Variants in FBXL13 observed in about 807,000 individuals in gnomAD.
The protein encoded by FBXL13 is F-box and leucine rich repeat protein 13.
A neutral mutation model predicts 83.6 loss-of-function variants in FBXL13; 67 were observed. That is an observed-to-expected ratio of 0.80 (90% CI 0.66 to 0.98). The LOEUF (loss-of-function observed/expected upper bound fraction) is 0.98, where lower values mean the gene tolerates loss of function less well. Ranked by LOEUF, FBXL13 falls within the 50% of genes least tolerant of loss-of-function variation. FBXL13 has a pLI of 0.00. For missense variants in FBXL13, 822 were observed against 866.5 expected (o/e 0.95, Z 0.64); for synonymous variants, 272 against 299.5 (o/e 0.91, Z 0.95).
chr7:102,879,842 G>A (rs2129458387), intron 14 of FBXL13, among the ~76,000 whole-genome samples: 1 of 152,274 alleles, frequency 6.6e-6, no homozygotes, highest in South Asian at 2.1e-4. Context: ...GAGTAGCTAG[G>A]ACTACAGGCG....
Position 102,873,286 on chromosome 7 carries a change from A to G in FBXL13, c.1635+4181T>C, listed in dbSNP as rs140168883. On this transcript the variant is annotated intron_variant, in intron 16 of 19. Transcript: ENST00000313221. ...AAACATGTTCGTTTTCCCAACCTGC[A>G]GCAAACCTGCTCCCTGACTGTGTAA... is the stretch of plus-strand genomic sequence containing the variant. Among the ~76,000 whole-genome samples, 383 of 152,288 alleles carry G rather than the reference A, an allele frequency of 2.5e-3. 2 individuals carry two copies. The highest frequency in any genetic ancestry group is 8.7e-3 in the African/African-American group (361 of 41,568).
At chr7:102,859,614 A>C (rs1806520895) in intron 16 of FBXL13, among the ~76,000 whole-genome samples, 1 of 151,906 alleles carries the variant, frequency 6.6e-6, no homozygotes, top group Non-Finnish European at 1.5e-5. Context: ...TGGAGTGGGA[A>C]GACAGGCCAA....
At chr7:102,861,926 G>A (rs1486958736) in intron 16 of FBXL13, among the ~76,000 whole-genome samples, 6 of 149,848 alleles carry the variant, frequency 4.0e-5, no homozygotes, top group Non-Finnish European at 7.4e-5. Flanking sequence ...AAGCTGTAGT[G>A]AGCCAAGATC....
chr7:102,845,143 C>T (rs909828707), intron 17 of FBXL13, among the ~76,000 whole-genome samples: 1 of 152,112 alleles, frequency 6.6e-6, no homozygotes, highest in African/African-American at 2.4e-5. Context: ...TCTCCAGCCC[C>T]TCTCCCCTTC....
At chr7:102,858,556 ATG>A (rs1436047217) in intron 16 of FBXL13, among the ~76,000 whole-genome samples, 2 of 152,254 alleles carry the variant, frequency 1.3e-5, no homozygotes, top group African/African-American at 4.8e-5. Flanking sequence ...TACAATTATT[ATG>A]TGTCAACTAA....
chr7:103,053,225 A>G (rs1190264299), intron 2 of FBXL13, among the ~76,000 whole-genome samples: 1 of 151,182 alleles, frequency 6.6e-6, no homozygotes, highest in African/African-American at 2.4e-5. Context: ...CAATCTTGGC[A>G]CATTGCAACC....
intron 17 of FBXL13, among the ~76,000 whole-genome samples, chr7:102,852,911 C>T (rs796839978): frequency 4.6e-5 from 7 of 152,256 alleles, no homozygotes; most frequent in South Asian, 2.1e-4. Context: ...AAGCACAATT[C>T]GCAATTGCAA....
chr7:103,016,912 G>A (rs1021111138), intron 6 of FBXL13, among the ~76,000 whole-genome samples: 1 of 152,202 alleles, frequency 6.6e-6, no homozygotes, highest in Admixed American at 6.5e-5. Context: ...GGGCATAGCC[G>A]AACAAAAGGC....
chr7:102,870,005 T>G (rs1246500403), intron 16 of FBXL13, among the ~76,000 whole-genome samples: 1 of 152,258 alleles, frequency 6.6e-6, no homozygotes, highest in African/African-American at 2.4e-5. Flanking sequence ...GGCTTCTTTC[T>G]ATTCTAGTAT....
chr7:103,061,187 T>C (rs887200745), intron 1 of FBXL13, among the ~76,000 whole-genome samples: 4 of 151,842 alleles, frequency 2.6e-5, no homozygotes, highest in Admixed American at 1.3e-4. Flanking sequence ...TTTTTTTTTT[T>C]GTTTTTTTCT....
intron 2 of FBXL13, among the ~76,000 whole-genome samples, chr7:103,033,468 G>T (rs535399391): frequency 1.3e-5 from 2 of 152,226 alleles, no homozygotes; most frequent in South Asian, 4.1e-4. Context: ...TAAAGGCGGC[G>T]TGTCTGGAGT....
chr7:103,073,773 G>A (rs796881059), intron 1 of FBXL13, among the ~76,000 whole-genome samples: 18 of 152,096 alleles, frequency 1.2e-4, no homozygotes, highest in African/African-American at 3.4e-4. Context: ...GACGGGTGGG[G>A]GGTCTCTACC....
At chr7:102,995,038 G>A (rs1341101139) in intron 6 of FBXL13, among the ~76,000 whole-genome samples, 3 of 152,114 alleles carry the variant, frequency 2.0e-5, no homozygotes, top group African/African-American at 7.2e-5. Flanking sequence ...CTTGTAAAAG[G>A]TAAAAGCTTA....
chr7:102,950,993 T>G (rs945566096), intron 8 of FBXL13, among the ~76,000 whole-genome samples: 2 of 152,172 alleles, frequency 1.3e-5, no homozygotes, highest in African/African-American at 4.8e-5. Context: ...GAACCCTATA[T>G]AAACTATGGA....
In FBXL13 at chr7:102,909,836, G is replaced by T. The variant is rs565565406; in HGVS notation, c.1008+3250C>A. Among the ~76,000 whole-genome samples the T allele has an allele frequency of 1.8e-4, 28 of 152,284 alleles. 1 individual carries two copies. The East Asian group carries it at 5.2e-3, about 28-fold the overall frequency. On this transcript the variant is annotated intron_variant, in intron 11 of 19. Coordinates refer to ENST00000313221, the Ensembl canonical transcript of FBXL13. ...AGGAAGGGGTCTCTTTTGGATCGAT[G>T]AGCTGTGAGGCTTGGGGCTGGTTGA... is the stretch of plus-strand genomic sequence containing the variant.
chr7:103,030,620 C>T (rs1794409547), intron 2 of FBXL13, among the ~76,000 whole-genome samples: 1 of 152,032 alleles, frequency 6.6e-6, no homozygotes, highest in African/African-American at 2.4e-5. Context: ...AAATAAATAA[C>T]TACAGTAAAT....
downstream of FBXL13, among the ~76,000 whole-genome samples, chr7:102,811,491 G>A (rs1367184344): frequency 6.6e-6 from 1 of 152,110 alleles, no homozygotes; most frequent in Non-Finnish European, 1.5e-5. Context: ...TGTCTCCCCA[G>A]AATGAATGAA....
intron 17 of FBXL13, among the ~76,000 whole-genome samples, chr7:102,839,228 C>T (rs907491772): frequency 1.3e-5 from 2 of 152,214 alleles, no homozygotes; most frequent in African/African-American, 2.4e-5. Context: ...TTAATTGTGA[C>T]ACAGATTCCT....
chr7:102,833,601 T>TC (rs1801136582), intron 17 of FBXL13, among the ~76,000 whole-genome samples: 1 of 151,618 alleles, frequency 6.6e-6, no homozygotes, highest in Non-Finnish European at 1.5e-5. Flanking sequence ...TAATTCTTTT[T>TC]TTTTTTTTTT....
Sources: gnomAD v4.1 joint callset for allele counts (sites outside exome capture counted in the v4.1 genomes callset) on GRCh38, gnomAD v4.1.1 for gene constraint, MANE v1.5 for transcripts, NCBI Gene and HGNC (gene_info 2026-07-23, HGNC 2026-07-21) for gene names.